STOML1: variants seen among roughly 807,000 people sequenced by gnomAD.
The protein encoded by STOML1 is stomatin-like protein 1.
A neutral mutation model predicts 35.7 loss-of-function variants in STOML1; 27 were observed. That is an observed-to-expected ratio of 0.76 (90% CI 0.56 to 1.04). The LOEUF is 1.04. Among genes scored for constraint, STOML1 ranks in the 50% least tolerant of loss-of-function variants. STOML1 has a pLI of 0.00. For synonymous variants in STOML1, 219 were observed against 227.9 expected (o/e 0.96, Z 0.35); for missense variants, 451 against 527.1 (o/e 0.86, Z 1.41).
At position 73,990,476 on chromosome 15, in the gene STOML1, G is replaced by A. The variant is rs764024482; in HGVS notation, c.134-19C>T. 1.9e-6 allele frequency: 3 copies of A among 1,580,510 alleles called. No individual in the cohort carries two copies. The highest frequency in any genetic ancestry group is 4.6e-5 in the East Asian group (2 of 43,192). On this transcript the variant is annotated intron_variant, in intron 1 of 6. Transcript: ENST00000541638. ...GGTACATCTGCAGGTGAGAGCAGAG[G>A]TGGTCAACTGGACCTGCACGACAGC... is the stretch of plus-strand genomic sequence containing the variant.
rs1365668641 is a variant in STOML1, at chr15:73,979,173, G to C, written c.*4764C>G. On this transcript the variant is annotated 3_prime_UTR_variant, in exon 7 of 7. Transcript: ENST00000541638. ...ATGAAATGCTAGAAAAGTGAAATGT[G>C]ATCAGCGGTTATGGAAAGGTCAGTG... 6.6e-6 allele frequency: 1 copy of C among 152,152 alleles called. No homozygotes were observed. The highest frequency in any genetic ancestry group is 1.9e-4 in the East Asian group (1 of 5,198). The allele number at this position is 152,152 out of a possible 1,614,324, so 9.4% of individuals were successfully genotyped here.
rs779181124 is a variant in STOML1, at chr15:73,992,212, C to T, written c.12G>A (p.Arg4=). 30 of 1,602,888 alleles carry T rather than the reference C, an allele frequency of 1.9e-5. No homozygotes were observed. Among genetic ancestry groups the T allele is most frequent in the Non-Finnish European group, 2.4e-5 (28 of 1,176,030 alleles). MLG[R]SGYRALPLGD... is the part of the protein sequence containing the mutation. ...CCAGGGGCAGCGCCCGGTACCCAGACCTGCCGAGCATGGCTTTTGACAGGA... is the reference window on the plus strand; with the variant it reads ...CCAGGGGCAGCGCCCGGTACCCAGATCTGCCGAGCATGGCTTTTGACAGGA... Residue 4 remains arginine (R), a synonymous_variant, in exon 1 of 7, where the codon AGG becomes AGA. Transcript: ENST00000541638.
At position 73,982,062 on chromosome 15, in the gene STOML1, G is replaced by C. The variant is rs183369892; in HGVS notation, c.*1875C>G. 1 of 152,378 alleles carries C rather than the reference G, an allele frequency of 6.6e-6. No homozygotes were observed. The highest frequency in any genetic ancestry group is 1.9e-4 in the East Asian group (1 of 5,212). 9.4% of individuals were successfully genotyped at this position (152,378 alleles called of 1,614,324 possible). ...CCAGCCCTACCCCAGCCAAGGGGCC[G>C]TGCCAGCTTTCATGGTGAAGATGCC... On this transcript the variant is annotated 3_prime_UTR_variant, in exon 7 of 7. Transcript: ENST00000541638.
At chr15:73,989,371 T>A (rs1302652224) in intron 2 of STOML1, 114 bp from the exon 3 acceptor site, 2 of 1,221,202 alleles carry the variant, frequency 1.6e-6, no homozygotes, top group East Asian at 2.7e-5. Flanking sequence ...CAGTTAGGTA[T>A]CCCTAGCACT....
intron 1 of STOML1, 102 bp from the exon 2 acceptor site, chr15:73,990,559 C>G (rs1246912262): frequency 9.2e-7 from 1 of 1,091,904 alleles, no homozygotes; most frequent in Non-Finnish European, 1.3e-6. Context: ...CCTCGAGAGG[C>G]TCCTTCCTTC....
chr15:73,990,717 G>T, intron 1 of STOML1: 3 of 1,293,808 alleles, frequency 2.3e-6, no homozygotes, highest in Non-Finnish European at 3.2e-6. Context: ...CTAGGCAACA[G>T]CCATTCAATC....
rs2068955207 is a variant in STOML1 at position 73,981,090 on chromosome 15, T to A, written c.*2847A>T. The A allele has an allele frequency of 1.3e-5, 2 of 152,254 alleles. No homozygotes were observed. The highest frequency in any genetic ancestry group is 4.2e-4 in the South Asian group (2 of 4,814). The allele number at this position is 152,254 out of a possible 1,614,324, so 9.4% of individuals were successfully genotyped here. ...TAAAAATAAGGCCAGGTGCGGTGGCTCACACCTATAATCCCAGCACTTTGG... is the reference window on the plus strand; with the variant it reads ...TAAAAATAAGGCCAGGTGCGGTGGCACACACCTATAATCCCAGCACTTTGG... On this transcript the variant is annotated 3_prime_UTR_variant, in exon 7 of 7. Transcript: ENST00000541638.
chr15:73,985,145 A>G (rs1195923540), intron 5 of STOML1, among the ~76,000 whole-genome samples, 173 bp downstream of exon 5: 2 of 152,118 alleles, frequency 1.3e-5, no homozygotes, highest in East Asian at 3.9e-4. Context: ...GAGGCTGCCA[A>G]TGGCCTCTAC....
intron 1 of STOML1, chr15:73,991,157 A>C (rs553803549): frequency 1.8e-3 from 645 of 349,388 alleles, no homozygotes; most frequent in Middle Eastern, 5.9e-3. Flanking sequence ...ACAAAAAAAA[A>C]CCCTGCCTAT....
chr15:73,991,478 C>T (rs1049709693), intron 1 of STOML1: 7 of 420,068 alleles, frequency 1.7e-5, no homozygotes, highest in Admixed American at 7.8e-5. Context: ...ATAGGGAGAG[C>T]TTTCAGGACA....
At chr15:73,984,543 G>T in intron 6 of STOML1, 116 bp downstream of exon 6, 1 of 1,248,444 alleles carries the variant, frequency 8.0e-7, no homozygotes, top group Non-Finnish European at 1.1e-6. Context: ...GCCTGCCATG[G>T]GTTCACCCCA....
At position 73,984,059 on chromosome 15, in the gene STOML1, G is replaced by A; in HGVS notation, c.1075C>T (p.Leu359=). The change falls in exon 7 of 7, where the codon CTG becomes TTG. Residue 359 remains leucine (L), a synonymous_variant. Coordinates refer to ENST00000541638, the MANE Select transcript of STOML1 (RefSeq NM_004809.5). ...AGCTCTCTGCATAGCAGGGCCCGCA[G>A]GTCTGCCTCGGCCATCTCCACCACC... ...DVVVEMAEAD[L]RALLCRELRP... 3 of 1,614,066 alleles carry A rather than the reference G, an allele frequency of 1.9e-6. No homozygotes were observed. The highest frequency in any genetic ancestry group is 2.5e-6 in the Non-Finnish European group (3 of 1,180,022).
Position 73,981,523 on chromosome 15 carries a change from C to A in STOML1, c.*2414G>T, listed in dbSNP as rs376767918. The A allele has an allele frequency of 2.6e-5, 4 of 152,138 alleles. No individual in the cohort carries two copies. Among genetic ancestry groups the A allele is most frequent in the East Asian group, 3.8e-4 (2 of 5,196 alleles). 9.4% of individuals were successfully genotyped at this position (152,138 alleles called of 1,614,324 possible). ...CATATTTGGCACACAGTAATGGTTA[C>A]TATTTCTATACCCTGCCCCTCAAAT... On this transcript the variant is annotated 3_prime_UTR_variant, in exon 7 of 7. Transcript: ENST00000541638.
At chr15:73,991,928 C>A in intron 1 of STOML1, 163 bp downstream of exon 1, 1 of 1,149,894 alleles carries the variant, frequency 8.7e-7, no homozygotes, top group Non-Finnish European at 1.2e-6. Flanking sequence ...GGCGCTAGCA[C>A]CAGGCGCCGG....
intron 1 of STOML1, 142 bp downstream of exon 1, chr15:73,991,949 C>T: frequency 4.6e-6 from 6 of 1,298,066 alleles, no homozygotes; most frequent in Non-Finnish European, 6.2e-6. Flanking sequence ...GTCCAGCCCC[C>T]TCTCCACATC....
At chr15:73,990,607 G>T (rs1316199933) in intron 1 of STOML1, 150 bp from the exon 2 acceptor site, 26 of 898,778 alleles carry the variant, frequency 2.9e-5, no homozygotes, top group Non-Finnish European at 4.1e-5. Flanking sequence ...TAATATTCCC[G>T]TATCTTTGGG....
upstream of STOML1, among the ~76,000 whole-genome samples, chr15:73,994,069 C>T (rs1391901733): frequency 1.3e-5 from 2 of 152,206 alleles, no homozygotes; most frequent in Non-Finnish European, 1.5e-5. Context: ...TCATGCACAG[C>T]TGATCGTGTT....
chr15:73,993,936 C>A (rs2069361103), upstream of STOML1, among the ~76,000 whole-genome samples: 1 of 149,476 alleles, frequency 6.7e-6, no homozygotes, highest in African/African-American at 2.5e-5. Context: ...AAGGCATCAT[C>A]CTGCTCCCTC....
rs1446818593 is a variant in STOML1, at chr15:73,990,279, C to A, written c.240+72G>T. 5 of 1,392,700 alleles carry A rather than the reference C, an allele frequency of 3.6e-6. No individual in the cohort carries two copies. In the Admixed American group the frequency reaches 9.1e-5, roughly 25 times the overall value. The allele number at this position is 1,392,700 out of a possible 1,614,324, so 86.3% of individuals were successfully genotyped here. On this transcript the variant is annotated intron_variant, in intron 2 of 6. Transcript: ENST00000541638. ...TTAGGGAAAGGGGACAGAGGATAGG[C>A]AAATTTATTCATCAATGCCAAAGCT...
Sources: gnomAD v4.1 joint callset for allele counts (sites outside exome capture counted in the v4.1 genomes callset) on GRCh38, gnomAD v4.1.1 for gene constraint, MANE v1.5 for transcripts, NCBI Gene and HGNC (gene_info 2026-07-23, HGNC 2026-07-21) for gene names.